CCDC149: variants seen among roughly 807,000 people sequenced by gnomAD.
CCDC149 encodes coiled-coil domain-containing protein 149.
A neutral mutation model predicts 59.9 loss-of-function variants in CCDC149; 45 were observed. That is an observed-to-expected ratio of 0.75 (90% CI 0.59 to 0.96). The LOEUF (loss-of-function observed/expected upper bound fraction) is 0.96, where lower values mean the gene tolerates loss of function less well. Ranked by LOEUF, CCDC149 falls within the 40% of genes least tolerant of loss-of-function variation. CCDC149 has a pLI of 0.00. For synonymous variants in CCDC149, 245 were observed against 260.6 expected (o/e 0.94, Z 0.58); for missense variants, 584 against 664.7 (o/e 0.88, Z 1.33).
At chr4:24,953,837 G>C (rs61314496) in intron 1 of CCDC149, among the ~76,000 whole-genome samples, 1 of 152,006 alleles carries the variant, frequency 6.6e-6, no homozygotes, top group Admixed American at 6.5e-5. Context: ...ATCAAGAAGA[G>C]AGAAAAGCTA....
chr4:24,924,255 A>C (rs547592237), intron 1 of CCDC149, among the ~76,000 whole-genome samples: 12 of 152,328 alleles, frequency 7.9e-5, no homozygotes, highest in Non-Finnish European at 1.5e-4. Context: ...TGAAAAAAAA[A>C]AAAAAGGATC....
At chr4:24,850,704 GGAGTAGAAAGTGCCATAATTAATTCA>G (rs1717603954) in intron 4 of CCDC149, among the ~76,000 whole-genome samples, 1 of 152,026 alleles carries the variant, frequency 6.6e-6, no homozygotes, top group Non-Finnish European at 1.5e-5. Flanking sequence ...TGGAAGAGTT[GGAGTAGAAAGTGCCATAATTAATTCA>G]AAAAAAATTG....
chr4:24,910,195 C>T (rs1291367579), intron 1 of CCDC149, among the ~76,000 whole-genome samples: 2 of 152,220 alleles, frequency 1.3e-5, no homozygotes, highest in African/African-American at 4.8e-5. Flanking sequence ...ACTCCAATCT[C>T]TACCTTTGTC....
At chr4:24,938,621 G>A (rs372719593) in intron 1 of CCDC149, among the ~76,000 whole-genome samples, 22 of 152,304 alleles carry the variant, frequency 1.4e-4, no homozygotes, top group Middle Eastern at 3.4e-3. Flanking sequence ...GAAGTGCAAG[G>A]GGTCAGGGAA....
At chr4:24,818,719 T>C (rs1000610940) in intron 12 of CCDC149, among the ~76,000 whole-genome samples, 1 of 152,192 alleles carries the variant, frequency 6.6e-6, no homozygotes, top group Non-Finnish European at 1.5e-5. Flanking sequence ...TTGAGCGTCC[T>C]CATGATATGG....
At chr4:24,969,858 G>C (rs182732992) in intron 1 of CCDC149, among the ~76,000 whole-genome samples, 4 of 152,342 alleles carry the variant, frequency 2.6e-5, no homozygotes, top group African/African-American at 9.6e-5. Context: ...TCCCTTGGGG[G>C]AGGGCCTACA....
At chr4:24,919,640 A>G (rs1372181534) in intron 1 of CCDC149, among the ~76,000 whole-genome samples, 1 of 152,200 alleles carries the variant, frequency 6.6e-6, no homozygotes, top group African/African-American at 2.4e-5. Flanking sequence ...TAGGAAAACA[A>G]GGAGCAATGA....
At chr4:24,814,414 T>C (rs769708361) in intron 12 of CCDC149, among the ~76,000 whole-genome samples, 10 of 152,198 alleles carry the variant, frequency 6.6e-5, no homozygotes, top group Non-Finnish European at 1.3e-4. Context: ...GGATGAGGTA[T>C]GTTGGTTTCT....
At chr4:24,898,694 G>A (rs1211309815) in intron 1 of CCDC149, among the ~76,000 whole-genome samples, 2 of 152,112 alleles carry the variant, frequency 1.3e-5, no homozygotes, top group Admixed American at 6.5e-5. Flanking sequence ...CTCAGGAACC[G>A]AGTTACCCTG....
At chr4:24,833,718 A>G (rs1363435371) in intron 8 of CCDC149, among the ~76,000 whole-genome samples, 1 of 152,194 alleles carries the variant, frequency 6.6e-6, no homozygotes, top group Admixed American at 6.5e-5. Context: ...TGTGTTTTCA[A>G]TATTTTTTAT....
chr4:24,837,445 C>T lies in CCDC149; in HGVS notation c.490-45G>A. The T allele has an allele frequency of 6.3e-7, 1 of 1,597,208 alleles. No individual in the cohort carries two copies. Among genetic ancestry groups the T allele is most frequent in the East Asian group, 2.2e-5 (1 of 44,776 alleles). ...CCTTACTCAAGATGTTCCTCAGGCT[C>T]CAGCTTTATGGCCAGAGATGGAGCC... On this transcript the variant is annotated intron_variant, in intron 5 of 12. Transcript: ENST00000635206. This position sits in a 1 kb window ranked among gnomAD's most constrained non-coding sequence, Gnocchi z 4.3.
intron 1 of CCDC149, among the ~76,000 whole-genome samples, chr4:24,894,171 A>G (rs1720708894): frequency 6.6e-6 from 1 of 152,200 alleles, no homozygotes; most frequent in African/African-American, 2.4e-5. Context: ...AAAGTGCTCA[A>G]TGAATGTTTC....
chr4:24,822,385 G>C, intron 10 of CCDC149, 112 bp downstream of exon 10: 1 of 608,316 alleles, frequency 1.6e-6, no homozygotes, highest in Non-Finnish European at 2.7e-6. Context: ...AAATAAGGTA[G>C]AATAAAAGGA....
chr4:24,979,520 C>T (rs1337275490), intron 1 of CCDC149, among the ~76,000 whole-genome samples: 1 of 152,122 alleles, frequency 6.6e-6, no homozygotes, highest in Non-Finnish European at 1.5e-5. Flanking sequence ...CATTACCTGC[C>T]CCTATATATT....
chr4:24,887,212 A>T (rs1052725067), intron 1 of CCDC149, among the ~76,000 whole-genome samples: 1 of 138,258 alleles, frequency 7.2e-6, no homozygotes, highest in Non-Finnish European at 1.5e-5. Context: ...ATACTACATT[A>T]CTATTTGGGT....
At position 24,834,991 on chromosome 4, in the gene CCDC149, T is replaced by C; in HGVS notation, c.777A>G (p.Lys259=). The C allele has an allele frequency of 1.2e-6, 2 of 1,614,062 alleles. No homozygotes were observed. The highest frequency in any genetic ancestry group is 1.7e-6 in the Non-Finnish European group (2 of 1,179,968). Residue 259 remains lysine (K), a synonymous_variant, in exon 8 of 13, where the codon AAA becomes AAG. Transcript: ENST00000635206. ...CTCCTGTCAGAGCACTGCTGCTGGA[T>C]TTACCCTGGCCCTTCGAGTTTTTCC...
chr4:24,843,308 T>C (rs945062514), intron 4 of CCDC149, among the ~76,000 whole-genome samples: 2 of 152,204 alleles, frequency 1.3e-5, no homozygotes, highest in African/African-American at 4.8e-5. Context: ...CCAGTCCCCG[T>C]GTACTGCTGC....
chr4:24,914,007 G>A (rs1225283596), upstream of CCDC149, among the ~76,000 whole-genome samples: 1 of 152,174 alleles, frequency 6.6e-6, no homozygotes. Context: ...GAGCAAGTAG[G>A]TTGAGAAGTT....
intron 10 of CCDC149, 51 bp downstream of exon 10, chr4:24,822,446 A>T: frequency 8.0e-7 from 1 of 1,254,904 alleles, no homozygotes; most frequent in African/African-American, 1.6e-5. Flanking sequence ...TTCATTTCTT[A>T]AAAAAAAGAA....
Sources: allele counts gnomAD v4.1 joint callset (sites outside exome capture counted in the v4.1 genomes callset), GRCh38; gene constraint gnomAD v4.1.1; non-coding constraint Gnocchi (gnomAD v3.1); transcripts MANE v1.5; gene names NCBI Gene and HGNC (gene_info 2026-07-23, HGNC 2026-07-21).